The following ARPC3 variants were observed in gnomAD, a reference collection of about 807,000 sequenced individuals.
The protein encoded by ARPC3 is actin-related protein 2/3 complex subunit 3.
Under a neutral mutation model 27.6 loss-of-function variants are expected in ARPC3, and 12 were observed. That is an observed-to-expected ratio of 0.43 (90% CI 0.28 to 0.70). The LOEUF (loss-of-function observed/expected upper bound fraction) is 0.70. Among genes scored for constraint, ARPC3 ranks in the 30% least tolerant of loss-of-function variants. The pLI is 0.17. For synonymous variants in ARPC3, 53 were observed against 67.2 expected (o/e 0.79, Z 1.03); for missense variants, 153 against 207.7 (o/e 0.74, Z 1.62).
At chr12:110,447,571 G>A (rs1055622507) in intron 1 of ARPC3, among the ~76,000 whole-genome samples, 1 of 152,088 alleles carries the variant, frequency 6.6e-6, no homozygotes, top group Non-Finnish European at 1.5e-5. Context: ...CCAGAAGATC[G>A]AGACCACCCT....
At chr12:110,436,075 A>G in intron 6 of ARPC3, 35 bp downstream of exon 6, 2 of 1,513,610 alleles carry the variant, frequency 1.3e-6, no homozygotes, top group Non-Finnish European at 1.8e-6. Flanking sequence ...ATAAAAGGTG[A>G]TTTACCAATT....
At chr12:110,441,811 ACC>A in intron 2 of ARPC3, among the ~76,000 whole-genome samples, 1 of 151,688 alleles carries the variant, frequency 6.6e-6, no homozygotes, top group Non-Finnish European at 1.5e-5. Context: ...CGGGTGGATC[ACC>A]TGAGGTCAGG....
intron 2 of ARPC3, chr12:110,444,862 AC>A (rs1200804784): frequency 6.4e-6 from 1 of 156,506 alleles, no homozygotes; most frequent in Non-Finnish European, 1.4e-5. Context: ...GTACAGGGAA[AC>A]CATGTCTAAC....
At chr12:110,450,200 C>G (rs2062493717) in intron 1 of ARPC3, 55 bp downstream of exon 1, 3 of 1,612,300 alleles carry the variant, frequency 1.9e-6, no homozygotes, top group Non-Finnish European at 2.5e-6. Context: ...CACACGGTTT[C>G]TCTCTGCTCT....
chr12:110,435,250 G>T (rs143128977), intron 6 of ARPC3, 33 bp from the exon 7 acceptor site: 2 of 1,507,714 alleles, frequency 1.3e-6, no homozygotes, highest in Non-Finnish European at 1.8e-6. Context: ...AATGAACAGC[G>T]GGGTCAAATT....
At chr12:110,439,327 G>A (rs2062423131) in intron 3 of ARPC3, among the ~76,000 whole-genome samples, 1 of 151,978 alleles carries the variant, frequency 6.6e-6, no homozygotes, top group South Asian at 2.1e-4. Flanking sequence ...ATGTTGCCCA[G>A]GCTGGTCTCG....
intron 3 of ARPC3, among the ~76,000 whole-genome samples, chr12:110,438,067 G>T (rs866086080): frequency 4.1e-4 from 62 of 152,026 alleles, no homozygotes; most frequent in African/African-American, 1.4e-3. Context: ...AGGTTGAGGT[G>T]GGTGGATTGC....
chr12:110,443,106 G>C (rs896851921), intron 2 of ARPC3: 2 of 151,998 alleles, frequency 1.3e-5, no homozygotes, highest in Admixed American at 6.6e-5. Flanking sequence ...CTCTAGACTT[G>C]TGTTCCTTGC....
At chr12:110,439,561 G>A (rs1016430416) in intron 3 of ARPC3, among the ~76,000 whole-genome samples, 1 of 152,152 alleles carries the variant, frequency 6.6e-6, no homozygotes. Flanking sequence ...GGCCGGGAGC[G>A]GTGGCTCACG....
chr12:110,446,158 T>G (rs2062463240), intron 1 of ARPC3, among the ~76,000 whole-genome samples: 1 of 150,620 alleles, frequency 6.6e-6, no homozygotes, highest in African/African-American at 2.4e-5. Flanking sequence ...ATTCATCACT[T>G]CTTTTTTTTT....
intron 3 of ARPC3, chr12:110,437,427 G>A: frequency 2.7e-6 from 1 of 369,722 alleles, no homozygotes; most frequent in Non-Finnish European, 5.1e-6. Flanking sequence ...GAGTGCAGTG[G>A]CACAATCTCA....
intron 3 of ARPC3, 52 bp from the exon 4 acceptor site, chr12:110,437,204 T>C (rs1270991049): frequency 2.5e-6 from 3 of 1,220,640 alleles, no homozygotes; most frequent in Non-Finnish European, 3.6e-6. Flanking sequence ...ATAACAATGA[T>C]GTGCAATGTA....
intron 3 of ARPC3, among the ~76,000 whole-genome samples, chr12:110,438,210 C>A (rs1175104289): frequency 6.6e-6 from 1 of 150,934 alleles, no homozygotes; most frequent in Non-Finnish European, 1.5e-5. Flanking sequence ...GCCACAGAAT[C>A]GCTTGAAGCC....
At chr12:110,440,518 C>T in intron 2 of ARPC3, 130 bp from the exon 3 acceptor site, 2 of 687,588 alleles carry the variant, frequency 2.9e-6, no homozygotes, top group Non-Finnish European at 5.3e-6. Context: ...TAAAATGATC[C>T]TATTGAAATA....
chr12:110,436,277 C>A (rs564784250), intron 5 of ARPC3, 73 bp from the exon 6 acceptor site: 2 of 1,250,800 alleles, frequency 1.6e-6, no homozygotes, highest in Non-Finnish European at 1.2e-6. Flanking sequence ...GCTCTGGATG[C>A]TCACTGTGGT....
chr12:110,436,699 T>TATATATATATACACACACACAC lies in ARPC3; in HGVS notation c.253-17_253-16insGTGTGTGTGTGTATATATATAT. ...TGGAATTGCACTGGAAAAAAAAATA[T>TATATATATATACACACACACAC]ATATATATATATACACACACACACA... On this transcript the variant is annotated splice_polypyrimidine_tract_variant and intron_variant, in intron 4 of 6. Transcript: ENST00000228825. The TATATATATATACACACACACAC allele has an allele frequency of 3.2e-6, 2 of 633,898 alleles. No homozygotes were observed. Among genetic ancestry groups the TATATATATATACACACACACAC allele is most frequent in the Non-Finnish European group, 2.5e-6 (1 of 403,984 alleles). 39.3% of individuals were successfully genotyped at this position (633,898 alleles called of 1,614,324 possible).
chr12:110,437,061 TACAA>T lies in ARPC3; in HGVS notation c.252+19_252+22del. Reference sequence around the variant, plus strand: ...CTCTCAGCAATTTGTTTTCCTGATATACAATCATCCAAGTTTAATTACCTTTTGC... The same window carrying T: ...CTCTCAGCAATTTGTTTTCCTGATATTCATCCAAGTTTAATTACCTTTTGC... On this transcript the variant is annotated intron_variant, in intron 4 of 6. Transcript: ENST00000228825. 1 of 1,518,792 alleles carries T rather than the reference TACAA, an allele frequency of 6.6e-7. No homozygotes were observed. 94.1% of individuals were successfully genotyped at this position (1,518,792 alleles called of 1,614,324 possible). A position where few individuals can be genotyped will look rare whatever the true frequency, so the allele number is the denominator to read the frequency against.
At chr12:110,438,547 C>T (rs929151156) in intron 3 of ARPC3, among the ~76,000 whole-genome samples, 2 of 150,692 alleles carry the variant, frequency 1.3e-5, no homozygotes, top group Non-Finnish European at 3.0e-5. Flanking sequence ...TGCACTGAGC[C>T]GAGATCACGC....
In ARPC3 at chr12:110,436,552, C is replaced by T. The variant is rs1224839534; in HGVS notation, c.379+5G>A. 2.5e-6 allele frequency: 4 copies of T among 1,613,898 alleles called. No individual in the cohort carries two copies. Among genetic ancestry groups the T allele is most frequent in the Non-Finnish European group, 3.4e-6 (4 of 1,179,978 alleles). Reference sequence around the variant, plus strand: ...CACAGAGTGAGGATAGAGACCTGTTCTTACCATCTTCCTGTTTGTTTGCAG... The same window carrying T: ...CACAGAGTGAGGATAGAGACCTGTTTTTACCATCTTCCTGTTTGTTTGCAG... On this transcript the variant is annotated splice_donor_5th_base_variant and intron_variant, in intron 5 of 6. Coordinates refer to ENST00000228825, the MANE Select transcript of ARPC3 (RefSeq NM_001278556.2).
Sources: gnomAD v4.1 joint callset for allele counts (sites outside exome capture counted in the v4.1 genomes callset) on GRCh38, gnomAD v4.1.1 for gene constraint, MANE v1.5 for transcripts, NCBI Gene and HGNC (gene_info 2026-07-23, HGNC 2026-07-21) for gene names.